The following SLIT2 variants were observed in gnomAD, a reference collection of about 807,000 sequenced individuals.
The protein encoded by SLIT2 is slit homolog 2 protein.
In SLIT2, 41 loss-of-function variants were observed where a neutral mutation model predicts 185.7. The ratio of observed to expected loss-of-function variants is 0.22; its 90% CI spans 0.17 to 0.29. The LOEUF (loss-of-function observed/expected upper bound fraction) is 0.29, where lower values mean the gene tolerates loss of function less well. Among genes scored for constraint, SLIT2 ranks in the 10% least tolerant of loss-of-function variants. SLIT2 has a pLI of 1.00. For synonymous variants in SLIT2, 693 were observed against 680.2 expected, an observed-to-expected ratio of 1.02 and a Z score of -0.29; for missense variants, 1,571 against 1,909.0, an observed-to-expected ratio of 0.82 and a Z score of 3.30.
intron 4 of SLIT2, among the ~76,000 whole-genome samples, chr4:20,292,321 A>C (rs1311614064): frequency 6.6e-6 from 1 of 152,202 alleles, no homozygotes; most frequent in Non-Finnish European, 1.5e-5. Context: ...ACGTGTGACT[A>C]TTTAGGAAAA....
At chr4:20,435,938 G>A (rs1040698491) in intron 4 of SLIT2, among the ~76,000 whole-genome samples, 1 of 152,198 alleles carries the variant, frequency 6.6e-6, no homozygotes, top group Non-Finnish European at 1.5e-5. Flanking sequence ...ATTATAGAGT[G>A]AATTAAAGAG....
Position 20,344,228 on chromosome 4 carries a change from G to A in SLIT2, c.395+75347G>A, listed in dbSNP as rs932364618. ...CTACCGTGGCTTACAATCCAGGAGA[G>A]TAGACAGACACCTGATGAGACAGAT... is the stretch of plus-strand genomic sequence containing the variant. On this transcript the variant is annotated intron_variant, in intron 4 of 36. Coordinates refer to ENST00000504154, the MANE Select transcript of SLIT2 (RefSeq NM_004787.4). Among the ~76,000 whole-genome samples the A allele has an allele frequency of 3.9e-5, 6 of 152,306 alleles. 1 individual carries two copies. The highest frequency in any genetic ancestry group is 9.6e-5 in the African/African-American group (4 of 41,568).
intron 4 of SLIT2, chr4:20,394,738 C>T (rs1173218257): frequency 6.6e-6 from 1 of 152,090 alleles, no homozygotes; most frequent in African/African-American, 2.4e-5. Flanking sequence ...TGCCAGAAGG[C>T]ATTTTTATAA....
rs78531498 is a variant in SLIT2 at position 20,471,839 on chromosome 4, A to G, written c.467+4016A>G. 6.6e-4 allele frequency among the ~76,000 whole-genome samples: 101 copies of G among 152,264 alleles called. No individual in the cohort carries two copies. The East Asian group carries it at 0.015, about 23-fold the overall frequency. On this transcript the variant is annotated intron_variant, in intron 5 of 36. Transcript: ENST00000504154. Reference sequence around the variant, plus strand: ...CTAAAACTATTCTAAACAGATGGACAGTTATCTTGCTCTTAAACATCTCCA... The same window carrying G: ...CTAAAACTATTCTAAACAGATGGACGGTTATCTTGCTCTTAAACATCTCCA...
intron 4 of SLIT2, among the ~76,000 whole-genome samples, chr4:20,466,021 G>A (rs565998122): frequency 2.8e-4 from 43 of 150,914 alleles, no homozygotes; most frequent in Non-Finnish European, 5.9e-4. Flanking sequence ...ACATGGAATT[G>A]GCGAAGACAG....
At chr4:20,530,211 A>G (rs1438098762) in intron 16 of SLIT2, among the ~76,000 whole-genome samples, 1 of 151,964 alleles carries the variant, frequency 6.6e-6, no homozygotes, top group Non-Finnish European at 1.5e-5. Flanking sequence ...TTATAGACAT[A>G]TAGGGATTTA....
chr4:20,365,301 G>T (rs1320846565), intron 4 of SLIT2, among the ~76,000 whole-genome samples: 1 of 152,072 alleles, frequency 6.6e-6, no homozygotes, highest in African/African-American at 2.4e-5. Flanking sequence ...AGTCCACAGG[G>T]AGGCGGCCAG....
chr4:20,617,718 A>T, intron 36 of SLIT2, 68 bp downstream of exon 36: 11 of 758,006 alleles, frequency 1.5e-5, no homozygotes, highest in Non-Finnish European at 2.1e-5. Context: ...CTTTGAAAAG[A>T]GAGGGAGAAA....
intron 34 of SLIT2, among the ~76,000 whole-genome samples, chr4:20,614,093 A>G (rs1014660666): frequency 4.6e-5 from 7 of 152,028 alleles, no homozygotes; most frequent in Non-Finnish European, 1.0e-4. Flanking sequence ...GGCTGGTCTC[A>G]AACTCCTGAC....
intron 4 of SLIT2, among the ~76,000 whole-genome samples, chr4:20,302,711 G>A (rs1056664644): frequency 1.3e-5 from 2 of 152,188 alleles, no homozygotes; most frequent in Admixed American, 1.3e-4. Context: ...ACCAAGAGAG[G>A]AGAGTAATCG....
intron 4 of SLIT2, among the ~76,000 whole-genome samples, chr4:20,371,705 A>G (rs934458098): frequency 6.6e-6 from 1 of 152,094 alleles, no homozygotes; most frequent in African/African-American, 2.4e-5. Context: ...ATCACTGATA[A>G]CCACCATTAT....
chr4:20,584,446 G>A lies in SLIT2; in HGVS notation c.3089-5198G>A, dbSNP rs146896122. On this transcript the variant is annotated intron_variant, in intron 29 of 36. Transcript: ENST00000504154. ...CATAACATTTATCATCCAAATCAGG[G>A]TAGTTATGTGAGTGCCCAGGCACAC... Among the ~76,000 whole-genome samples the A allele has an allele frequency of 2.6e-3, 400 of 152,338 alleles. 10 individuals carry two copies. In the South Asian group the frequency reaches 0.061, roughly 23 times the overall value.
At chr4:20,296,235 T>C (rs1716464790) in intron 4 of SLIT2, among the ~76,000 whole-genome samples, 1 of 152,212 alleles carries the variant, frequency 6.6e-6, no homozygotes, top group Admixed American at 6.5e-5. Flanking sequence ...CTTACAGTAA[T>C]TTCAAATGTT....
intron 5 of SLIT2, among the ~76,000 whole-genome samples, chr4:20,469,887 C>T (rs1714784211): frequency 2.0e-5 from 3 of 151,588 alleles, no homozygotes; most frequent in African/African-American, 7.3e-5. Flanking sequence ...TCCTGAGGAC[C>T]TGGGATTATA....
In SLIT2 at chr4:20,596,657, T is replaced by A; in HGVS notation, c.3561+2T>A. On this transcript the variant is annotated splice_donor_variant, in intron 32 of 36. Transcript: ENST00000504154. LOFTEE classifies it high-confidence loss of function. The stretch of plus-strand genomic sequence containing the variant: ...CCTCAGACGAACATAACACTTCAGG[T>A]AAGAGATCTCTCTCTATGGAGAGAT... The A allele has an allele frequency of 6.2e-7, 1 of 1,611,274 alleles. No homozygotes were observed. Among genetic ancestry groups the A allele is most frequent in the Non-Finnish European group, 8.5e-7 (1 of 1,179,610 alleles).
chr4:20,529,052 A>G lies in SLIT2; in HGVS notation c.1566A>G (p.Gln522=). The G allele has an allele frequency of 6.2e-7, 1 of 1,614,012 alleles. No individual in the cohort carries two copies. The change falls in exon 16 of 37, where the codon CAA becomes CAG. Residue 522 remains glutamine (Q), a synonymous_variant. Coordinates refer to ENST00000504154, the MANE Select transcript of SLIT2 (RefSeq NM_004787.4). ...CEGTTVDCSN[Q]KLNKIPEHIP... ...GAACCACAGTAGATTGCTCTAATCA[A>G]AAGCTCAACAAAATCCCGGAGCACA... is the stretch of plus-strand genomic sequence containing the variant.
At chr4:20,553,147 T>G (rs1723925274) in intron 25 of SLIT2, among the ~76,000 whole-genome samples, 1 of 152,140 alleles carries the variant, frequency 6.6e-6, no homozygotes, top group Non-Finnish European at 1.5e-5. Flanking sequence ...TCTTCAGTAT[T>G]TTATGTTCTT....
intron 4 of SLIT2, among the ~76,000 whole-genome samples, chr4:20,421,991 C>T (rs1728205691): frequency 6.6e-6 from 1 of 152,152 alleles, no homozygotes; most frequent in Non-Finnish European, 1.5e-5. Flanking sequence ...GACGGAACAC[C>T]TCCACAACAT....
At chr4:20,454,957 A>T (rs932688387) in intron 4 of SLIT2, among the ~76,000 whole-genome samples, 5 of 141,794 alleles carry the variant, frequency 3.5e-5, no homozygotes, top group African/African-American at 8.2e-5. Context: ...ATGCCAATTT[A>T]AAAAAAAAAT....
Sources: allele counts gnomAD v4.1 joint callset (sites outside exome capture counted in the v4.1 genomes callset), GRCh38; gene constraint gnomAD v4.1.1; transcripts MANE v1.5; gene names NCBI Gene and HGNC (gene_info 2026-07-23, HGNC 2026-07-21).